The following COQ2 variants were observed in gnomAD, a reference collection of about 807,000 sequenced individuals.
The protein encoded by COQ2 is coenzyme Q2, polyprenyltransferase.
Under a neutral mutation model 35.7 loss-of-function variants are expected in COQ2, and 25 were observed. The ratio of observed to expected loss-of-function variants is 0.70; its 90% CI spans 0.51 to 0.98. The LOEUF (loss-of-function observed/expected upper bound fraction) is 0.98. Among genes scored for constraint, COQ2 ranks in the 50% least tolerant of loss-of-function variants. COQ2 has a pLI of 0.00. For missense variants in COQ2, 488 were observed against 473.5 expected, an observed-to-expected ratio of 1.03 and a Z score of -0.28; for synonymous variants, 206 against 186.2, an observed-to-expected ratio of 1.11 and a Z score of -0.86.
Position 83,269,120 on chromosome 4 carries a change from T to C in COQ2, c.762+740A>G, listed in dbSNP as rs531767815. On this transcript the variant is annotated intron_variant, in intron 5 of 6. Transcript: ENST00000647002. ...TAATCCTTTAAGTCAATAATACCAC[T>C]TCTAAAAATTTAACTGAAAAACTCC... Among the ~76,000 whole-genome samples the C allele has an allele frequency of 1.6e-3, 249 of 152,268 alleles. 1 individual carries two copies. The highest frequency in any genetic ancestry group is 5.6e-3 in the African/African-American group (233 of 41,564).
At chr4:83,276,035 A>T (rs372129345) in intron 2 of COQ2, among the ~76,000 whole-genome samples, 11 of 18,072 alleles carry the variant, frequency 6.1e-4, no homozygotes, top group Non-Finnish European at 6.2e-4. Context: ...TTTTTATATA[A>T]TATATAAAAT....
chr4:83,278,419 C>T lies in COQ2; in HGVS notation c.420+529G>A, dbSNP rs141231295. On this transcript the variant is annotated intron_variant, in intron 2 of 6. Coordinates refer to ENST00000647002, the MANE Select transcript of COQ2 (RefSeq NM_001358921.2). Reference sequence around the variant, plus strand: ...AAGAGGAGGAGATAAGGACAACTTGCACTTTTCATTGGTTGCAATTCTATA... The same window carrying T: ...AAGAGGAGGAGATAAGGACAACTTGTACTTTTCATTGGTTGCAATTCTATA... 3.7e-4 allele frequency among the ~76,000 whole-genome samples: 57 copies of T among 152,242 alleles called. No individual in the cohort carries two copies. In the East Asian group the frequency reaches 9.5e-3, roughly 25 times the overall value.
At chr4:83,272,327 C>G (rs1373100938) in intron 3 of COQ2, among the ~76,000 whole-genome samples, 155 bp from the exon 4 acceptor site, 1 of 151,918 alleles carries the variant, frequency 6.6e-6, no homozygotes, top group East Asian at 1.9e-4. Flanking sequence ...TTCGACTTTC[C>G]CTATTATAAA....
rs1400269204 is a variant in COQ2 at position 83,278,818 on chromosome 4, C to A, written c.420+130G>T. 5 of 1,052,966 alleles carry A rather than the reference C, an allele frequency of 4.7e-6. No individual in the cohort carries two copies. The African/African-American group carries it at 8.3e-5, about 18-fold the overall frequency. 65.2% of individuals were successfully genotyped at this position (1,052,966 alleles called of 1,614,324 possible). A position where few individuals can be genotyped will look rare whatever the true frequency, so the allele number is the denominator to read the frequency against. ...ATACCAGCTATTCAACTGATCCTGG[C>A]ATTTTCCATGCTGGATTTCTGTGGT... On this transcript the variant is annotated intron_variant, in intron 2 of 6. Transcript: ENST00000647002.
At chr4:83,267,182 C>G (rs1394580545) in intron 6 of COQ2, 3 of 453,536 alleles carry the variant, frequency 6.6e-6, no homozygotes, top group Non-Finnish European at 1.3e-5. Context: ...TTCAGACCAG[C>G]CTGGGCAAAA....
At chr4:83,283,076 C>T (rs995494673) in intron 1 of COQ2, among the ~76,000 whole-genome samples, 4 of 152,142 alleles carry the variant, frequency 2.6e-5, no homozygotes, top group Admixed American at 1.3e-4. Flanking sequence ...TCATGGGGGT[C>T]ATACACAGCT....
At chr4:83,276,972 G>A (rs1196698856) in intron 2 of COQ2, among the ~76,000 whole-genome samples, 1 of 151,764 alleles carries the variant, frequency 6.6e-6, no homozygotes, top group Non-Finnish European at 1.5e-5. Flanking sequence ...TCACTTATAA[G>A]TGGGAGTTAA....
At position 83,263,904 on chromosome 4, in the gene COQ2, C is replaced by G. The variant is rs532474049; in HGVS notation, c.*295G>C. ...ACATTCATTTATGTAAGACCCACAT[C>G]AGGCTTTTTCTAAAGTGCCAAAACC... On this transcript the variant is annotated 3_prime_UTR_variant, in exon 7 of 7. Coordinates refer to ENST00000647002, the MANE Select transcript of COQ2 (RefSeq NM_001358921.2). 3.7e-5 allele frequency: 7 copies of G among 190,170 alleles called. No homozygotes were observed. The highest frequency in any genetic ancestry group is 6.4e-5 in the Non-Finnish European group (6 of 93,438). The allele number at this position is 190,170 out of a possible 1,614,324, so 11.8% of individuals were successfully genotyped here. A position where few individuals can be genotyped will look rare whatever the true frequency, so the allele number is the denominator to read the frequency against.
intron 2 of COQ2, among the ~76,000 whole-genome samples, chr4:83,276,264 G>A (rs967153600): frequency 4.6e-5 from 7 of 151,466 alleles, no homozygotes; most frequent in Non-Finnish European, 1.0e-4. Flanking sequence ...TTTTCTTGTT[G>A]TTTGAGCTCC....
rs943430616 is a variant in COQ2 at position 83,276,850 on chromosome 4, A to G, written c.420+2098T>C. Among the ~76,000 whole-genome samples, 12 of 152,348 alleles carry G rather than the reference A, an allele frequency of 7.9e-5. No individual in the cohort carries two copies. The East Asian group carries it at 1.5e-3, about 20-fold the overall frequency. ...ATGTGGTATATATACACCATGGAAT[A>G]CAAGGCCATAAAAAAGAATAAAATC... On this transcript the variant is annotated intron_variant, in intron 2 of 6. Coordinates refer to ENST00000647002, the MANE Select transcript of COQ2 (RefSeq NM_001358921.2).
At chr4:83,278,644 G>A (rs1243090804) in intron 2 of COQ2, among the ~76,000 whole-genome samples, 1 of 152,228 alleles carries the variant, frequency 6.6e-6, no homozygotes, top group Non-Finnish European at 1.5e-5. Context: ...GAAGGTTCAG[G>A]ATGGATTTTT....
At chr4:83,264,561 C>T (rs1203275671) in intron 6 of COQ2, among the ~76,000 whole-genome samples, 198 bp from the exon 7 acceptor site, 1 of 151,964 alleles carries the variant, frequency 6.6e-6, no homozygotes, top group East Asian at 1.9e-4. Context: ...TGCTTGAGGC[C>T]AAGAGGTCAA....
At chr4:83,277,057 G>T (rs1176284394) in intron 2 of COQ2, among the ~76,000 whole-genome samples, 1 of 145,080 alleles carries the variant, frequency 6.9e-6, no homozygotes, top group African/African-American at 2.5e-5. Context: ...GGTGGGAGGG[G>T]AGTGCAGGAT....
In COQ2 at chr4:83,267,727, C is replaced by G. The variant is rs1479085347; in HGVS notation, c.810G>C (p.Arg270=). Residue 270 remains arginine (R), a synonymous_variant, in exon 6 of 7, where the codon CGG becomes CGC. Coordinates refer to ENST00000647002, the MANE Select transcript of COQ2 (RefSeq NM_001358921.2). ...GCCACGGCTTGGTATTTTCTCCGAA[C>G]CGCAGAGCCGTTGACTTAAGACCAA... The part of the protein sequence containing the change: ...VLIGLKSTAL[R]FGENTKPWLS... The G allele has an allele frequency of 4.5e-6, 7 of 1,552,320 alleles. No homozygotes were observed. The South Asian group carries it at 5.9e-5, about 13-fold the overall frequency.
intron 6 of COQ2, chr4:83,267,210 T>C (rs1031234373): frequency 6.6e-6 from 3 of 452,708 alleles, no homozygotes; most frequent in African/African-American, 6.0e-5. Flanking sequence ...ACCCCATTTC[T>C]ACAAAAAATA....
At chr4:83,277,420 C>G (rs1011302810) in intron 2 of COQ2, among the ~76,000 whole-genome samples, 1 of 152,170 alleles carries the variant, frequency 6.6e-6, no homozygotes, top group African/African-American at 2.4e-5. Context: ...CTCTAGCCCA[C>G]TCTTTTTTTG....
rs935072666 is a variant in COQ2, at chr4:83,272,362, T to C, written c.543-190A>G. Among the ~76,000 whole-genome samples, 6 of 152,332 alleles carry C rather than the reference T, an allele frequency of 3.9e-5. No individual in the cohort carries two copies. The East Asian group carries it at 1.2e-3, about 29-fold the overall frequency. Reference sequence around the variant, plus strand: ...AGGATGAGTAGAAAACTACTTTAAATGTTATAAAACAATCAAACAAAATAA... The same window carrying C: ...AGGATGAGTAGAAAACTACTTTAAACGTTATAAAACAATCAAACAAAATAA... On this transcript the variant is annotated intron_variant, in intron 3 of 6. Transcript: ENST00000647002.
intron 6 of COQ2, among the ~76,000 whole-genome samples, chr4:83,265,006 C>G (rs1267874566): frequency 6.6e-6 from 1 of 152,184 alleles, no homozygotes; most frequent in Non-Finnish European, 1.5e-5. Flanking sequence ...AATGCCCTCC[C>G]ACATTTCTAA....
At position 83,272,075 on chromosome 4, in the gene COQ2, T is replaced by C; in HGVS notation, c.628+12A>G. 6.4e-7 allele frequency: 1 copy of C among 1,558,374 alleles called. No individual in the cohort carries two copies. Among genetic ancestry groups the C allele is most frequent in the Non-Finnish European group, 8.8e-7 (1 of 1,137,588 alleles). The stretch of plus-strand genomic sequence containing the variant: ...ATATCAAAGGAAATACTTTTAGTTA[T>C]TGTAAGCTCACCCAAGGCTAGTTGA... On this transcript the variant is annotated intron_variant, in intron 4 of 6. Transcript: ENST00000647002.
Sources: allele counts gnomAD v4.1 joint callset (sites outside exome capture counted in the v4.1 genomes callset), GRCh38; gene constraint gnomAD v4.1.1; transcripts MANE v1.5; gene names NCBI Gene and HGNC (gene_info 2026-07-23, HGNC 2026-07-21).